EML6: variants seen among roughly 807,000 people sequenced by gnomAD.
The protein encoded by EML6 is echinoderm microtubule-associated protein-like 6.
EML6 carries 154 observed loss-of-function variants against 240.1 expected under a neutral mutation model. The observed-to-expected ratio is 0.64, with a 90% confidence interval of 0.56 to 0.73. EML6 has a LOEUF of 0.73. Ranked by LOEUF, EML6 falls within the 30% of genes least tolerant of loss-of-function variation. The probability of loss-of-function intolerance (pLI) is 0.00; values close to 1 mark genes in which losing one functional copy is unlikely to be tolerated. For missense variants in EML6, 2,964 were observed against 2,474.6 expected, an observed-to-expected ratio of 1.20 and a Z score of -4.20; for synonymous variants, 1,148 against 899.0, an observed-to-expected ratio of 1.28 and a Z score of -4.95.
Position 54,843,964 on chromosome 2 carries a change from TTGTGTGTGTGTGTG to T in EML6, c.848-56_848-43del, listed in dbSNP as rs70944190. 2.0e-3 allele frequency: 1,292 copies of T among 658,716 alleles called. 2 individuals are homozygous for T. The highest frequency in any genetic ancestry group is 2.9e-3 in the Non-Finnish European group (1,098 of 380,766). The allele number at this position is 658,716 out of a possible 1,614,324, so 40.8% of individuals were successfully genotyped here. On this transcript the variant is annotated intron_variant, in intron 7 of 41. Coordinates refer to ENST00000356458, the MANE Select transcript of EML6 (RefSeq NM_001039753.4). ...GTTAAAGGGCATTTACTTTAGGGTT[TTGTGTGTGTGTGTG>T]TGTGTGTGTGTGTGTGTGTGTGTGT...
intron 7 of EML6, among the ~76,000 whole-genome samples, chr2:54,836,469 A>G (rs530517843): frequency 1.6e-4 from 24 of 152,206 alleles, no homozygotes; most frequent in Non-Finnish European, 3.2e-4. Flanking sequence ...GGAGATTCTC[A>G]GGCAGGGAGC....
At chr2:54,956,710 C>A (rs934880671) in intron 32 of EML6, among the ~76,000 whole-genome samples, 2 of 152,024 alleles carry the variant, frequency 1.3e-5, no homozygotes, top group Admixed American at 6.6e-5. Flanking sequence ...ACATCAAAAC[C>A]CACCACCATC....
chr2:54,864,219 T>G (rs1670842512), intron 13 of EML6, among the ~76,000 whole-genome samples: 1 of 152,212 alleles, frequency 6.6e-6, no homozygotes, highest in Admixed American at 6.5e-5. Flanking sequence ...TTCACTTTCT[T>G]AGCAGATTAT....
chr2:54,837,699 A>C (rs1209817976), intron 7 of EML6, among the ~76,000 whole-genome samples: 5 of 152,240 alleles, frequency 3.3e-5, no homozygotes, highest in African/African-American at 7.2e-5. Context: ...ACAATCTGAC[A>C]TGCAAGAACA....
At chr2:54,875,472 G>C (rs1393546758) in intron 16 of EML6, among the ~76,000 whole-genome samples, 1 of 152,130 alleles carries the variant, frequency 6.6e-6, no homozygotes, top group Non-Finnish European at 1.5e-5. Flanking sequence ...TCTTTTGGGG[G>C]GTTTTATGGA....
intron 2 of EML6, among the ~76,000 whole-genome samples, chr2:54,735,326 A>C (rs749058478): frequency 6.6e-6 from 1 of 152,254 alleles, no homozygotes; most frequent in African/African-American, 2.4e-5. Context: ...TGTCATGGGC[A>C]TAGTAAGTGC....
intron 11 of EML6, among the ~76,000 whole-genome samples, chr2:54,855,022 T>C (rs113630108): frequency 9.2e-5 from 14 of 152,334 alleles, no homozygotes; most frequent in African/African-American, 3.1e-4. Flanking sequence ...ATAATTGATA[T>C]CCTATACATC....
chr2:54,939,918 C>CA (rs1675342912), intron 28 of EML6, among the ~76,000 whole-genome samples: 2 of 152,348 alleles, frequency 1.3e-5, no homozygotes, highest in South Asian at 4.1e-4. Flanking sequence ...CCGGCACAAG[C>CA]AAACACGAGG....
intron 2 of EML6, among the ~76,000 whole-genome samples, chr2:54,766,648 A>G (rs1329944639): frequency 6.6e-6 from 1 of 152,124 alleles, no homozygotes; most frequent in East Asian, 1.9e-4. Context: ...ATTAACATAT[A>G]TCTTGTGGAA....
At chr2:54,845,619 G>A (rs1326482176) in intron 8 of EML6, among the ~76,000 whole-genome samples, 5 of 152,170 alleles carry the variant, frequency 3.3e-5, no homozygotes, top group Non-Finnish European at 4.4e-5. Context: ...GAGGAGTGAT[G>A]GTTTCTTTAC....
intron 24 of EML6, among the ~76,000 whole-genome samples, chr2:54,910,032 TTATGTA>T (rs1673557090): frequency 6.6e-6 from 1 of 152,096 alleles, no homozygotes; most frequent in African/African-American, 2.4e-5. Context: ...AGGAGAAATA[TTATGTA>T]TATGTATACT....
At chr2:54,880,521 T>C (rs1671759072) in intron 17 of EML6, 1 of 152,208 alleles carries the variant, frequency 6.6e-6, no homozygotes. Context: ...TATAAATTGC[T>C]AGAGACCTGG....
intron 2 of EML6, among the ~76,000 whole-genome samples, chr2:54,731,608 C>A (rs1683169573): frequency 7.7e-6 from 1 of 129,720 alleles, no homozygotes; most frequent in South Asian, 2.2e-4. Flanking sequence ...CAGGGCAAGA[C>A]CCTGTCAAAA....
chr2:54,796,877 G>T (rs1669811354), intron 2 of EML6, among the ~76,000 whole-genome samples: 1 of 152,056 alleles, frequency 6.6e-6, no homozygotes, highest in African/African-American at 2.4e-5. Flanking sequence ...TGGCCAGGTA[G>T]TCACAAGGCG....
chr2:54,811,168 C>T (rs561145236), intron 2 of EML6, among the ~76,000 whole-genome samples: 90 of 152,254 alleles, frequency 5.9e-4, no homozygotes, highest in Non-Finnish European at 1.0e-3. Context: ...TCCTAACACC[C>T]CTCACAGATC....
intron 3 of EML6, 52 bp from the exon 4 acceptor site, chr2:54,816,735 C>A: frequency 7.7e-7 from 1 of 1,291,482 alleles, no homozygotes; most frequent in South Asian, 1.3e-5. Context: ...CTTAACGTGT[C>A]AGTAAGTCTT....
intron 11 of EML6, among the ~76,000 whole-genome samples, chr2:54,858,379 A>T (rs549331956): frequency 1.3e-5 from 2 of 152,224 alleles, no homozygotes; most frequent in African/African-American, 4.8e-5. Flanking sequence ...CTGCAAAGAG[A>T]TAGGCTAATT....
chr2:54,891,017 C>G (rs1327171144), intron 17 of EML6, 37 bp from the exon 18 acceptor site: 3 of 1,063,224 alleles, frequency 2.8e-6, no homozygotes, highest in South Asian at 1.9e-5. Flanking sequence ...CTGCTTCCAT[C>G]CAAACTAGAA....
At chr2:54,776,849 G>A (rs530310072) in intron 2 of EML6, among the ~76,000 whole-genome samples, 1 of 152,234 alleles carries the variant, frequency 6.6e-6, no homozygotes, top group South Asian at 2.1e-4. Context: ...TGGGACCCTG[G>A]TGAGGGACTG....
Sources: gnomAD v4.1 joint callset for allele counts (sites outside exome capture counted in the v4.1 genomes callset) on GRCh38, gnomAD v4.1.1 for gene constraint, MANE v1.5 for transcripts, NCBI Gene and HGNC (gene_info 2026-07-23, HGNC 2026-07-21) for gene names.